IQGAP2: variants seen among roughly 807,000 people sequenced by gnomAD.
IQGAP2 encodes the protein IQ motif containing GTPase activating protein 2.
IQGAP2 carries 173 observed loss-of-function variants against 201.3 expected under a neutral mutation model. That is an observed-to-expected ratio of 0.86 (90% CI 0.76 to 0.98). The LOEUF is 0.98. Among genes scored for constraint, IQGAP2 ranks in the 50% least tolerant of loss-of-function variants. The probability of loss-of-function intolerance (pLI) is 0.00; values close to 1 mark genes in which losing one functional copy is unlikely to be tolerated. For missense variants in IQGAP2, 1,687 were observed against 1,864.8 expected, an observed-to-expected ratio of 0.90 and a Z score of 1.76; for synonymous variants, 675 against 673.9, an observed-to-expected ratio of 1.00 and a Z score of -0.03.
chr5:76,405,875 C>A (rs1466072511), intron 1 of IQGAP2, among the ~76,000 whole-genome samples: 1 of 152,122 alleles, frequency 6.6e-6, no homozygotes, highest in African/African-American at 2.4e-5. Flanking sequence ...TTCAGTAAAA[C>A]CTCAAATTAT....
intron 2 of IQGAP2, among the ~76,000 whole-genome samples, chr5:76,529,665 T>C (rs1175370480): frequency 6.7e-6 from 1 of 148,504 alleles, no homozygotes; most frequent in African/African-American, 2.5e-5. Flanking sequence ...ATAATAATAA[T>C]AATAATAATA....
intron 2 of IQGAP2, among the ~76,000 whole-genome samples, chr5:76,496,725 TTTTCTTTCTTTCTTTCTTTC>T (rs774957947): frequency 6.5e-4 from 61 of 93,666 alleles, no homozygotes; most frequent in Middle Eastern, 4.5e-3. Context: ...TCTTTCTTTC[TTTTCTTTCTTTCTTTCTTTC>T]TTTCTTTCTT....
At chr5:76,498,712 G>A (rs1328616646) in intron 2 of IQGAP2, among the ~76,000 whole-genome samples, 1 of 152,196 alleles carries the variant, frequency 6.6e-6, no homozygotes, top group Non-Finnish European at 1.5e-5. Flanking sequence ...TGTTGGTTTT[G>A]GCATACTGCT....
rs1428096248 is a variant in IQGAP2, at chr5:76,429,637, CATATATGTATAT to C, written c.46+26055_46+26066del. On this transcript the variant is annotated intron_variant, in intron 1 of 35. Transcript: ENST00000274364. ...ATACATATATAAATTTATATATATA[CATATATGTATAT>C]ATATATGTTAAAATTAGTTAACATT... is the stretch of plus-strand genomic sequence containing the variant. Among the ~76,000 whole-genome samples the C allele has an allele frequency of 1.6e-3, 233 of 141,358 alleles. 1 individual carries two copies. The highest frequency in any genetic ancestry group is 5.9e-3 in the African/African-American group (225 of 38,122). 92.7% of individuals were successfully genotyped at this position (141,358 alleles called of 152,430 possible).
chr5:76,573,612 TC>T (rs1745265101), intron 4 of IQGAP2, among the ~76,000 whole-genome samples: 1 of 152,058 alleles, frequency 6.6e-6, no homozygotes, highest in African/African-American at 2.4e-5. Flanking sequence ...CCGGTAATAC[TC>T]TTTTTTGTTG....
At chr5:76,461,530 C>T (rs1754455216) in intron 1 of IQGAP2, 40 bp from the exon 2 acceptor site, 5 of 1,427,280 alleles carry the variant, frequency 3.5e-6, no homozygotes, top group Non-Finnish European at 4.9e-6. Flanking sequence ...TTAATGAAGA[C>T]TGCCTTTGTA....
In IQGAP2 at chr5:76,611,027, A is replaced by C. The variant is rs139972010; in HGVS notation, c.1365A>C (p.Val455=). 37 of 1,607,996 alleles carry C rather than the reference A, an allele frequency of 2.3e-5. No individual in the cohort carries two copies. The highest frequency in any genetic ancestry group is 3.0e-5 in the Non-Finnish European group (35 of 1,178,096). The change falls in exon 13 of 36, where the codon GTA becomes GTC. Residue 455 remains valine, a synonymous_variant. Transcript: ENST00000274364. ...TACTTCTTCATTTTCTAGGAGTTGT[A>C]GCTGTAGGGTACATCAATGAAGCTA... ...AQIQEENDRV[V]AVGYINEAID...
Position 76,480,246 on chromosome 5 carries a change from A to G in IQGAP2, c.146+18577A>G, listed in dbSNP as rs145672377. Among the ~76,000 whole-genome samples the G allele has an allele frequency of 1.0e-3, 153 of 152,254 alleles. 1 individual carries two copies. The highest frequency in any genetic ancestry group is 3.5e-3 in the African/African-American group (146 of 41,536). ...ATGTGTCCTCTGAGGGATAAGGCAC[A>G]TATTTCACATACCCTCTGTTCTGGA... On this transcript the variant is annotated intron_variant, in intron 2 of 35. Coordinates refer to ENST00000274364, the MANE Select transcript of IQGAP2 (RefSeq NM_006633.5).
intron 1 of IQGAP2, among the ~76,000 whole-genome samples, chr5:76,458,853 C>G (rs1435683630): frequency 6.6e-6 from 1 of 152,098 alleles, no homozygotes; most frequent in Non-Finnish European, 1.5e-5. Context: ...CTTTGGGAGC[C>G]TTTCCCGATA....
intron 2 of IQGAP2, among the ~76,000 whole-genome samples, chr5:76,509,630 G>A (rs540160832): frequency 6.5e-4 from 99 of 152,150 alleles, no homozygotes; most frequent in Middle Eastern, 3.4e-3. Flanking sequence ...TCTTGACCTC[G>A]TGATCCTCCT....
At chr5:76,649,546 A>C (rs1262016337) in intron 17 of IQGAP2, among the ~76,000 whole-genome samples, 2 of 152,244 alleles carry the variant, frequency 1.3e-5, no homozygotes, top group African/African-American at 4.8e-5. Context: ...TTGAGTTTTT[A>C]AAGTTGACAG....
At chr5:76,579,310 A>C (rs1745679407) in intron 5 of IQGAP2, among the ~76,000 whole-genome samples, 1 of 152,126 alleles carries the variant, frequency 6.6e-6, no homozygotes, top group South Asian at 2.1e-4. Context: ...ATACCCTTTC[A>C]AACCTGCCAT....
At chr5:76,450,887 A>T (rs1417113156) in intron 1 of IQGAP2, among the ~76,000 whole-genome samples, 1 of 152,170 alleles carries the variant, frequency 6.6e-6, no homozygotes, top group Non-Finnish European at 1.5e-5. Flanking sequence ...GCATAGTATG[A>T]TCCACTTGAG....
At chr5:76,597,888 C>G (rs940037933) in intron 10 of IQGAP2, among the ~76,000 whole-genome samples, 1 of 152,010 alleles carries the variant, frequency 6.6e-6, no homozygotes, top group African/African-American at 2.4e-5. Flanking sequence ...TTGAAGACAC[C>G]TTGGATAAAT....
intron 5 of IQGAP2, among the ~76,000 whole-genome samples, chr5:76,579,583 G>A (rs1488016518): frequency 2.0e-5 from 3 of 151,140 alleles, no homozygotes; most frequent in African/African-American, 4.9e-5. Flanking sequence ...GACCAGCATT[G>A]TATAATCCAT....
At chr5:76,530,007 G>A (rs1245859885) in intron 2 of IQGAP2, among the ~76,000 whole-genome samples, 1 of 152,128 alleles carries the variant, frequency 6.6e-6, no homozygotes, top group African/African-American at 2.4e-5. Context: ...CATGATGGTT[G>A]TGTAATGCAA....
chr5:76,644,741 T>C (rs918231247), intron 17 of IQGAP2, among the ~76,000 whole-genome samples: 2 of 152,068 alleles, frequency 1.3e-5, no homozygotes, highest in African/African-American at 2.4e-5. Context: ...TAGGACATAA[T>C]AGGAAAAGCT....
chr5:76,541,454 T>G (rs762319215), intron 2 of IQGAP2, among the ~76,000 whole-genome samples: 1 of 152,230 alleles, frequency 6.6e-6, no homozygotes, highest in African/African-American at 2.4e-5. Flanking sequence ...GTGAGTTGTT[T>G]CCATGTTTTG....
At chr5:76,627,208 A>G in intron 13 of IQGAP2, among the ~76,000 whole-genome samples, 1 of 152,140 alleles carries the variant, frequency 6.6e-6, no homozygotes, top group East Asian at 1.9e-4. Flanking sequence ...GGGCTGGACT[A>G]AAGAGTGGTG....
Sources: gnomAD v4.1 joint callset for allele counts (sites outside exome capture counted in the v4.1 genomes callset) on GRCh38, gnomAD v4.1.1 for gene constraint, MANE v1.5 for transcripts, NCBI Gene and HGNC (gene_info 2026-07-23, HGNC 2026-07-21) for gene names.